CTDP1: variants seen among roughly 807,000 people sequenced by gnomAD.
CTDP1 encodes the protein RNA polymerase II subunit A C-terminal domain phosphatase.
In CTDP1, 47 loss-of-function variants were observed where a neutral mutation model predicts 91.8. That is an observed-to-expected ratio of 0.51 (90% CI 0.41 to 0.65). The LOEUF (loss-of-function observed/expected upper bound fraction) is 0.65, where lower values mean the gene tolerates loss of function less well. CTDP1 is among the 30% of genes least tolerant of loss of function. CTDP1 has a pLI of 0.00. For missense variants in CTDP1, 1,272 were observed against 1,373.7 expected, an observed-to-expected ratio of 0.93 and a Z score of 1.17; for synonymous variants, 656 against 598.5, an observed-to-expected ratio of 1.10 and a Z score of -1.40.
intron 12 of CTDP1, among the ~76,000 whole-genome samples, chr18:79,746,934 A>G (rs2086894666): frequency 6.6e-6 from 1 of 152,108 alleles, no homozygotes; most frequent in South Asian, 2.1e-4. Flanking sequence ...CACTGTGCCT[A>G]CCGTGCCTAG....
chr18:79,712,855 T>C lies in CTDP1; in HGVS notation c.864-117T>C, dbSNP rs922980763. 23 of 1,133,870 alleles carry C rather than the reference T, an allele frequency of 2.0e-5. No homozygotes were observed. In the African/African-American group the frequency reaches 3.4e-4, roughly 17 times the overall value. The allele number at this position is 1,133,870 out of a possible 1,614,324, so 70.2% of individuals were successfully genotyped here. A position where few individuals can be genotyped will look rare whatever the true frequency, so the allele number is the denominator to read the frequency against. On this transcript the variant is annotated intron_variant, in intron 6 of 12. Transcript: ENST00000613122. ...TCGGGGCGGTTGGTGTCCGTCTGATTAACCTGCTGTCTGCTGGTTACATGT... is the reference window on the plus strand; with the variant it reads ...TCGGGGCGGTTGGTGTCCGTCTGATCAACCTGCTGTCTGCTGGTTACATGT...
At chr18:79,697,688 T>C (rs2085774559) in intron 3 of CTDP1, among the ~76,000 whole-genome samples, 172 bp from the exon 4 acceptor site, 2 of 152,188 alleles carry the variant, frequency 1.3e-5, no homozygotes, top group Non-Finnish European at 2.9e-5. Flanking sequence ...GAGGTTGCCG[T>C]GACCAGGTTG....
intron 8 of CTDP1, among the ~76,000 whole-genome samples, chr18:79,715,984 G>A (rs1026163063): frequency 9.2e-5 from 14 of 152,228 alleles, no homozygotes; most frequent in African/African-American, 3.1e-4. Flanking sequence ...GCTGTCTCCC[G>A]ACGGTGAAAC....
At chr18:79,719,152 T>C (rs1397622912) in intron 10 of CTDP1, among the ~76,000 whole-genome samples, 1 of 152,246 alleles carries the variant, frequency 6.6e-6, no homozygotes, top group Admixed American at 6.5e-5. Context: ...CCGCTCCCTC[T>C]GGAAACGCGC....
At chr18:79,728,842 T>C (rs1402566202) in intron 10 of CTDP1, 65 bp from the exon 11 acceptor site, 1 of 1,521,074 alleles carries the variant, frequency 6.6e-7, no homozygotes, top group Non-Finnish European at 8.9e-7. Flanking sequence ...AGGAGTCTGA[T>C]TCGGTGCGGA....
chr18:79,746,483 C>T (rs934182619), intron 12 of CTDP1, among the ~76,000 whole-genome samples: 2 of 152,270 alleles, frequency 1.3e-5, no homozygotes, highest in Non-Finnish European at 2.9e-5. Context: ...TCACATAGCA[C>T]GCGGAGTTTT....
chr18:79,685,283 G>C (rs576611364), intron 1 of CTDP1: 1 of 152,180 alleles, frequency 6.6e-6, no homozygotes, highest in African/African-American at 2.4e-5. Flanking sequence ...ATTCTGACAG[G>C]TCACCATCTT....
At chr18:79,720,539 C>T (rs1243163744) in intron 10 of CTDP1, among the ~76,000 whole-genome samples, 1 of 137,524 alleles carries the variant, frequency 7.3e-6, no homozygotes, top group African/African-American at 2.7e-5. Context: ...CCGTCATTAG[C>T]GCATTCTGGT....
At chr18:79,707,102 G>T (rs901596515) in intron 5 of CTDP1, among the ~76,000 whole-genome samples, 2 of 152,240 alleles carry the variant, frequency 1.3e-5, no homozygotes, top group South Asian at 2.1e-4. Context: ...ACAAGCCCCA[G>T]TGAGGAGGAG....
At chr18:79,749,562 G>A (rs115517082) in intron 12 of CTDP1, among the ~76,000 whole-genome samples, 2,189 of 151,122 alleles carry the variant, frequency 0.014, 63 homozygotes, top group African/African-American at 0.051. Flanking sequence ...TCCCGAGCTC[G>A]ACCTGAGAGG....
chr18:79,694,788 C>T (rs1568178768), intron 1 of CTDP1, among the ~76,000 whole-genome samples: 1 of 152,208 alleles, frequency 6.6e-6, no homozygotes, highest in Non-Finnish European at 1.5e-5. Flanking sequence ...ACATTACAGT[C>T]ATTTTGTCAG....
At chr18:79,682,155 C>G (rs1435756872) in intron 1 of CTDP1, among the ~76,000 whole-genome samples, 1 of 152,172 alleles carries the variant, frequency 6.6e-6, no homozygotes, top group Non-Finnish European at 1.5e-5. Flanking sequence ...CAGCAGGAGT[C>G]CATGCTGCTG....
At chr18:79,719,874 TTAGGAA>T in intron 10 of CTDP1, among the ~76,000 whole-genome samples, 1 of 145,728 alleles carries the variant, frequency 6.9e-6, no homozygotes, top group African/African-American at 2.6e-5. Flanking sequence ...TCACCTCCCA[TTAGGAA>T]GGTGTCCTGG....
In CTDP1 at chr18:79,713,406, C is replaced by T. The variant is rs931996010; in HGVS notation, c.1030+268C>T. 6.6e-6 allele frequency among the ~76,000 whole-genome samples: 1 copy of T among 152,150 alleles called. No individual in the cohort carries two copies. Among genetic ancestry groups the T allele is most frequent in the Non-Finnish European group, 1.5e-5 (1 of 68,036 alleles). On this transcript the variant is annotated intron_variant, in intron 7 of 12. Transcript: ENST00000613122. The surrounding 1 kb of genome is among the most constrained non-coding windows in gnomAD (Gnocchi z 4.7). ...AGGATGCTGTTTAACCTAACACATC[C>T]GAATAACTCCCTTCATCCCAGTTTT...
Position 79,680,138 on chromosome 18 carries a change from C to A in CTDP1, c.191C>A (p.Ser64Tyr). Residue 64 changes from serine to tyrosine, a missense_variant, in exon 1 of 13, where the codon TCT becomes TAT. Ser to Tyr is a moderately radical substitution (Grantham distance 144). This residue lies in a region of CTDP1 where 214 missense variants were observed against 179.1 expected (regional missense o/e 1.19). Coordinates refer to ENST00000613122, the MANE Select transcript of CTDP1 (RefSeq NM_004715.5). ...AAASAQSSGA[S>Y]QSRVASGGCV... ...GCCTCCGCGCAGTCCTCCGGGGCCT[C>A]TCAGTCCCGTGTAGCCTCCGGGGGC... The A allele has an allele frequency of 7.0e-7, 1 of 1,433,052 alleles. No individual in the cohort carries two copies. The highest frequency in any genetic ancestry group is 9.1e-7 in the Non-Finnish European group (1 of 1,095,416). The allele number at this position is 1,433,052 out of a possible 1,614,324, so 88.8% of individuals were successfully genotyped here.
At chr18:79,755,511 G>T (rs753098161), downstream of CTDP1, 3 of 152,388 alleles carry the variant, frequency 2.0e-5, no homozygotes, top group Non-Finnish European at 4.4e-5. Context: ...TATAGGGAGG[G>T]GCACAAAACG....
chr18:79,693,970 G>A (rs1040190032), intron 1 of CTDP1, among the ~76,000 whole-genome samples: 1 of 152,236 alleles, frequency 6.6e-6, no homozygotes, highest in African/African-American at 2.4e-5. Flanking sequence ...AGTGGGCATG[G>A]AGGATGTGGC....
intron 4 of CTDP1, among the ~76,000 whole-genome samples, chr18:79,702,044 C>T (rs111769371): frequency 0.039 from 5,941 of 152,296 alleles, 191 homozygotes; most frequent in South Asian, 0.16. Context: ...TGGAAGATTC[C>T]ATCAACTTAG....
intron 11 of CTDP1, chr18:79,736,137 CG>C (rs2086662209): frequency 4.9e-6 from 3 of 615,480 alleles, no homozygotes; most frequent in Non-Finnish European, 8.7e-6. Flanking sequence ...GCCTGCGAAC[CG>C]ACTGGGTTTG....
Sources: gnomAD v4.1 joint callset for allele counts (sites outside exome capture counted in the v4.1 genomes callset) on GRCh38, gnomAD v4.1.1 for gene constraint, gnomAD v4.1.1 regional missense constraint, Gnocchi (gnomAD v3.1) non-coding constraint, MANE v1.5 for transcripts, NCBI Gene and HGNC (gene_info 2026-07-23, HGNC 2026-07-21) for gene names.